The following TRPC6 variants were observed in gnomAD, a reference collection of about 807,000 sequenced individuals.
TRPC6 encodes the protein transient receptor potential cation channel subfamily C member 6.
In TRPC6, 55 loss-of-function variants were observed where a neutral mutation model predicts 90.7. That is an observed-to-expected ratio of 0.61 (90% CI 0.49 to 0.76). The LOEUF is 0.76. Among genes scored for constraint, TRPC6 ranks in the 30% least tolerant of loss-of-function variants. The pLI is 0.00. For synonymous variants in TRPC6, 393 were observed against 393.0 expected (o/e 1.00, Z 0.00); for missense variants, 989 against 1,122.7 (o/e 0.88, Z 1.70).
chr11:101,489,225 A>G (rs1377367962), intron 3 of TRPC6, 124 bp from the exon 4 acceptor site: 1 of 901,782 alleles, frequency 1.1e-6, no homozygotes, highest in South Asian at 1.5e-5. Flanking sequence ...AAGAACAAAC[A>G]TAAAACATCA....
chr11:101,554,626 G>A (rs994455430), intron 1 of TRPC6, among the ~76,000 whole-genome samples: 2 of 152,084 alleles, frequency 1.3e-5, no homozygotes, highest in African/African-American at 4.8e-5. Flanking sequence ...CAGGCAATGG[G>A]AAGAATCAAG....
chr11:101,540,430 A>G (rs887827375), intron 1 of TRPC6, among the ~76,000 whole-genome samples: 1 of 152,254 alleles, frequency 6.6e-6, no homozygotes, highest in Admixed American at 6.5e-5. Context: ...TATTCTTCAC[A>G]GCGTATTTTT....
chr11:101,464,476 G>A (rs536527091), intron 10 of TRPC6, among the ~76,000 whole-genome samples: 3 of 152,312 alleles, frequency 2.0e-5, no homozygotes, highest in Admixed American at 6.5e-5. Context: ...GGGTGCTCCT[G>A]TATTGAGTGC....
chr11:101,520,299 C>A (rs575229140), intron 1 of TRPC6, among the ~76,000 whole-genome samples: 74 of 152,256 alleles, frequency 4.9e-4, no homozygotes, highest in Middle Eastern at 3.4e-3. Context: ...TTCCCCTTCG[C>A]CTTCCACCAC....
intron 2 of TRPC6, 72 bp from the exon 3 acceptor site, chr11:101,491,810 G>A: frequency 8.7e-7 from 1 of 1,152,994 alleles, no homozygotes; most frequent in East Asian, 2.6e-5. Flanking sequence ...GAGACTTGAA[G>A]GATTTTATAC....
chr11:101,566,878 A>T (rs1195405497), intron 1 of TRPC6, among the ~76,000 whole-genome samples: 2 of 152,184 alleles, frequency 1.3e-5, no homozygotes, highest in African/African-American at 4.8e-5. Context: ...GGCAACCCGC[A>T]GACCAGGAGA....
intron 1 of TRPC6, among the ~76,000 whole-genome samples, chr11:101,561,922 A>G (rs914332119): frequency 1.3e-5 from 2 of 151,820 alleles, no homozygotes; most frequent in African/African-American, 4.8e-5. Context: ...ATACATTAAA[A>G]TGCTTTTAAA....
At chr11:101,546,733 T>C (rs539752095) in intron 1 of TRPC6, among the ~76,000 whole-genome samples, 5 of 152,254 alleles carry the variant, frequency 3.3e-5, no homozygotes, top group Non-Finnish European at 4.4e-5. Flanking sequence ...TGCAGGAAAA[T>C]TGATGAAATT....
chr11:101,533,030 A>C (rs2136802078), intron 1 of TRPC6, among the ~76,000 whole-genome samples: 1 of 152,278 alleles, frequency 6.6e-6, no homozygotes, highest in East Asian at 1.9e-4. Flanking sequence ...TGAGCCACAA[A>C]CCGAGAAGGT....
chr11:101,476,538 C>T lies in TRPC6; in HGVS notation c.1511-4G>A. ...TTACATTCAGCCCATATCATGCCTGCATCAGAAAGGGGTTAAAATATCAAT... is the reference window on the plus strand; with the variant it reads ...TTACATTCAGCCCATATCATGCCTGTATCAGAAAGGGGTTAAAATATCAAT... On this transcript the variant is annotated splice_region_variant and splice_polypyrimidine_tract_variant and intron_variant, in intron 5 of 12. Transcript: ENST00000344327. The T allele has an allele frequency of 6.2e-7, 1 of 1,608,446 alleles. No individual in the cohort carries two copies. Among genetic ancestry groups the T allele is most frequent in the Non-Finnish European group, 8.5e-7 (1 of 1,174,918 alleles).
rs558820390 is a variant in TRPC6 at position 101,545,348 on chromosome 11, T to C, written c.170+37986A>G. ...TATATAGGAGGGTGTGCCTAGGTTA[T>C]ATGAAAATACTACCCCATTTTATAT... On this transcript the variant is annotated intron_variant, in intron 1 of 12. Coordinates refer to ENST00000344327, the MANE Select transcript of TRPC6 (RefSeq NM_004621.6). Among the ~76,000 whole-genome samples the C allele has an allele frequency of 3.3e-5, 5 of 152,336 alleles. No individual in the cohort carries two copies. The East Asian group carries it at 7.7e-4, about 24-fold the overall frequency.
intron 1 of TRPC6, among the ~76,000 whole-genome samples, chr11:101,552,344 T>C (rs931964879): frequency 3.3e-5 from 5 of 152,080 alleles, no homozygotes; most frequent in African/African-American, 1.2e-4. Context: ...TTTGAAAACA[T>C]AATAACAAAG....
At chr11:101,559,721 T>G (rs1373008448) in intron 1 of TRPC6, among the ~76,000 whole-genome samples, 5 of 151,576 alleles carry the variant, frequency 3.3e-5, no homozygotes, top group Non-Finnish European at 7.4e-5. Context: ...GCCATGTTGG[T>G]GTGCTGCACC....
At chr11:101,508,972 AT>A (rs1375739664) in intron 1 of TRPC6, among the ~76,000 whole-genome samples, 1 of 152,042 alleles carries the variant, frequency 6.6e-6, no homozygotes, top group African/African-American at 2.4e-5. Context: ...TTGGATTTAA[AT>A]TTTTTTACAG....
At chr11:101,508,046 T>G (rs781243318) in intron 1 of TRPC6, among the ~76,000 whole-genome samples, 2 of 152,092 alleles carry the variant, frequency 1.3e-5, no homozygotes, top group Non-Finnish European at 2.9e-5. Context: ...ATTGCTATTA[T>G]ATTTTTAATT....
intron 1 of TRPC6, among the ~76,000 whole-genome samples, chr11:101,529,359 G>A (rs1321818885): frequency 6.6e-6 from 1 of 152,156 alleles, no homozygotes; most frequent in African/African-American, 2.4e-5. Context: ...TCCTGCCTTT[G>A]GAACACTCCC....
chr11:101,501,482 C>A (rs568523241), intron 2 of TRPC6, among the ~76,000 whole-genome samples: 1 of 152,016 alleles, frequency 6.6e-6, no homozygotes, highest in African/African-American at 2.4e-5. Context: ...TCAGAGACAC[C>A]AACTTCTCTA....
chr11:101,569,990 AG>A (rs1378542815), intron 1 of TRPC6, among the ~76,000 whole-genome samples: 1 of 152,024 alleles, frequency 6.6e-6, no homozygotes, highest in Non-Finnish European at 1.5e-5. Flanking sequence ...AAACTCAATA[AG>A]CTAGCAGAAG....
At chr11:101,525,635 G>GT (rs1565229758) in intron 1 of TRPC6, among the ~76,000 whole-genome samples, 1 of 152,158 alleles carries the variant, frequency 6.6e-6, no homozygotes, top group East Asian at 1.9e-4. Flanking sequence ...AACGTAACAC[G>GT]TTTTTGGAAC....
Sources: gnomAD v4.1 joint callset for allele counts (sites outside exome capture counted in the v4.1 genomes callset) on GRCh38, gnomAD v4.1.1 for gene constraint, MANE v1.5 for transcripts, NCBI Gene and HGNC (gene_info 2026-07-23, HGNC 2026-07-21) for gene names.